PRKCE: variants seen among roughly 807,000 people sequenced by gnomAD.
PRKCE encodes protein kinase C epsilon type.
PRKCE carries 16 observed loss-of-function variants against 85.4 expected under a neutral mutation model. The ratio of observed to expected loss-of-function variants is 0.19; its 90% CI spans 0.13 to 0.28. The LOEUF is 0.28. Ranked by LOEUF, PRKCE falls within the 10% of genes least tolerant of loss-of-function variation. The probability of loss-of-function intolerance (pLI) is 1.00; values close to 1 mark genes in which losing one functional copy is unlikely to be tolerated. For missense variants in PRKCE, 573 were observed against 975.2 expected (o/e 0.59, Z 5.49); for synonymous variants, 388 against 371.5 (o/e 1.04, Z -0.51).
At chr2:45,787,476 C>G (rs1002131554) in intron 1 of PRKCE, among the ~76,000 whole-genome samples, 3 of 152,076 alleles carry the variant, frequency 2.0e-5, no homozygotes, top group Admixed American at 1.3e-4. Flanking sequence ...GCAGGTGCGT[C>G]TGGGGAGGGG....
intron 10 of PRKCE, among the ~76,000 whole-genome samples, chr2:46,049,468 C>G (rs1039207941): frequency 6.6e-6 from 1 of 152,172 alleles, no homozygotes; most frequent in Non-Finnish European, 1.5e-5. Context: ...GTGCAAAGCC[C>G]TTTACACGCA....
intron 1 of PRKCE, among the ~76,000 whole-genome samples, chr2:45,830,825 T>A (rs2105394627): frequency 6.6e-6 from 1 of 152,372 alleles, no homozygotes; most frequent in East Asian, 1.9e-4. Flanking sequence ...TTTTAAAACC[T>A]AGAATTCTAT....
rs373261016 is a variant in PRKCE, at chr2:45,825,319, G to A, written c.349-17681G>A. On this transcript the variant is annotated intron_variant, in intron 1 of 14. Transcript: ENST00000306156. ...TTCCTGCAACAGGCCTGGGACTTGGGGGGGCCCTGCTGCAGCCCCCACCAG... is the reference window on the plus strand; with the variant it reads ...TTCCTGCAACAGGCCTGGGACTTGGAGGGGCCCTGCTGCAGCCCCCACCAG... Among the ~76,000 whole-genome samples, 147 of 152,332 alleles carry A rather than the reference G, an allele frequency of 9.6e-4. 6 individuals carry two copies. In the South Asian group the frequency reaches 0.03, roughly 31 times the overall value.
intron 10 of PRKCE, among the ~76,000 whole-genome samples, chr2:46,043,820 T>G (rs1708357892): frequency 6.6e-6 from 1 of 152,268 alleles, no homozygotes; most frequent in Non-Finnish European, 1.5e-5. Context: ...CAATTTGTTC[T>G]GAAAACATGA....
intron 1 of PRKCE, among the ~76,000 whole-genome samples, chr2:45,678,341 T>G (rs1016082752): frequency 6.6e-6 from 1 of 152,236 alleles, no homozygotes; most frequent in Non-Finnish European, 1.5e-5. Flanking sequence ...TGGCATTTGT[T>G]ACTGGTTGTG....
At chr2:45,913,486 T>C (rs1697529770) in intron 2 of PRKCE, among the ~76,000 whole-genome samples, 1 of 152,174 alleles carries the variant, frequency 6.6e-6, no homozygotes, top group African/African-American at 2.4e-5. Context: ...GACTCCCTGC[T>C]CAGTGGAGCT....
chr2:45,836,160 A>G (rs1275441145), intron 1 of PRKCE, among the ~76,000 whole-genome samples: 1 of 152,188 alleles, frequency 6.6e-6, no homozygotes, highest in African/African-American at 2.4e-5. Flanking sequence ...TCTGTATTGA[A>G]TCCCTCCCAT....
chr2:46,055,552 T>C (rs1257804943), intron 10 of PRKCE, among the ~76,000 whole-genome samples: 1 of 152,250 alleles, frequency 6.6e-6, no homozygotes, highest in East Asian at 1.9e-4. Flanking sequence ...ACTTTGATTC[T>C]TTTATACCCC....
At chr2:45,934,971 G>A (rs1208450374) in intron 2 of PRKCE, among the ~76,000 whole-genome samples, 1 of 151,726 alleles carries the variant, frequency 6.6e-6, no homozygotes, top group Non-Finnish European at 1.5e-5. Context: ...TGAGGCAGGA[G>A]CATTGCTTGA....
At chr2:45,837,746 C>A (rs761968545) in intron 1 of PRKCE, among the ~76,000 whole-genome samples, 3 of 152,134 alleles carry the variant, frequency 2.0e-5, no homozygotes, top group Admixed American at 6.5e-5. Flanking sequence ...ACTGTTACCA[C>A]GCCTGTAATC....
At chr2:45,745,236 T>C (rs1036487081) in intron 1 of PRKCE, among the ~76,000 whole-genome samples, 1 of 152,088 alleles carries the variant, frequency 6.6e-6, no homozygotes, top group Non-Finnish European at 1.5e-5. Context: ...CTGAGACAGA[T>C]GGTGGTGGAG....
intron 13 of PRKCE, among the ~76,000 whole-genome samples, chr2:46,156,663 G>A (rs1284341486): frequency 6.6e-5 from 10 of 152,218 alleles, no homozygotes; most frequent in East Asian, 1.9e-4. Flanking sequence ...GGAAGGGCAC[G>A]TCACCCAGTG....
At chr2:45,822,005 G>T (rs1188443416) in intron 1 of PRKCE, among the ~76,000 whole-genome samples, 2 of 152,174 alleles carry the variant, frequency 1.3e-5, no homozygotes, top group Admixed American at 1.3e-4. Context: ...GAGCTCTGAG[G>T]TGCGGGGCGT....
chr2:45,725,575 G>A (rs1410607839), intron 1 of PRKCE, among the ~76,000 whole-genome samples: 2 of 152,154 alleles, frequency 1.3e-5, no homozygotes, highest in Admixed American at 1.3e-4. Context: ...ACTCACATCT[G>A]TAATCCCAGC....
At chr2:46,119,725 A>G (rs776706449) in intron 11 of PRKCE, among the ~76,000 whole-genome samples, 5 of 152,218 alleles carry the variant, frequency 3.3e-5, no homozygotes, top group Non-Finnish European at 7.3e-5. Flanking sequence ...AGAAACACGC[A>G]TTGTTCCGGC....
At chr2:45,841,116 G>A (rs532927036) in intron 1 of PRKCE, among the ~76,000 whole-genome samples, 28 of 152,284 alleles carry the variant, frequency 1.8e-4, no homozygotes, top group African/African-American at 5.8e-4. Context: ...AGGACAGAGA[G>A]GTAGATGGAC....
At chr2:46,116,055 A>G (rs1672737958) in intron 11 of PRKCE, among the ~76,000 whole-genome samples, 2 of 152,200 alleles carry the variant, frequency 1.3e-5, no homozygotes, top group African/African-American at 4.8e-5. Context: ...CCAGTGGCTT[A>G]TGGGATTTTG....
At chr2:45,890,490 G>A (rs770379278) in intron 2 of PRKCE, among the ~76,000 whole-genome samples, 8 of 151,822 alleles carry the variant, frequency 5.3e-5, no homozygotes, top group Admixed American at 2.0e-4. Flanking sequence ...AGCAATTCTC[G>A]TGCCTCAGCC....
At chr2:46,024,465 T>C (rs1574264692) in intron 10 of PRKCE, among the ~76,000 whole-genome samples, 1 of 152,168 alleles carries the variant, frequency 6.6e-6, no homozygotes, top group Non-Finnish European at 1.5e-5. Context: ...TGGCAGGAGG[T>C]ACAAATTAAT....
Sources: gnomAD v4.1 joint callset for allele counts (sites outside exome capture counted in the v4.1 genomes callset) on GRCh38, gnomAD v4.1.1 for gene constraint, MANE v1.5 for transcripts, NCBI Gene and HGNC (gene_info 2026-07-23, HGNC 2026-07-21) for gene names.